Variants in ARHGAP25 observed in about 807,000 individuals in gnomAD.
ARHGAP25 encodes rho GTPase-activating protein 25.
ARHGAP25 carries 34 observed loss-of-function variants against 71.0 expected under a neutral mutation model. The ratio of observed to expected loss-of-function variants is 0.48; its 90% CI spans 0.36 to 0.64. ARHGAP25 has a LOEUF of 0.64. Among genes scored for constraint, ARHGAP25 ranks in the 30% least tolerant of loss-of-function variants. ARHGAP25 has a pLI of 0.00. For synonymous variants in ARHGAP25, 282 were observed against 296.5 expected (o/e 0.95, Z 0.50); for missense variants, 706 against 805.1 (o/e 0.88, Z 1.49).
intron 9 of ARHGAP25, 136 bp downstream of exon 9, chr2:68,819,455 T>G (rs1471116412): frequency 1.2e-6 from 1 of 854,956 alleles, no homozygotes; most frequent in African/African-American, 1.7e-5. Flanking sequence ...TGCTACAGAC[T>G]CATCTGAACA....
At chr2:68,825,706 C>T (rs979224012) in intron 10 of ARHGAP25, among the ~76,000 whole-genome samples, 24 of 151,904 alleles carry the variant, frequency 1.6e-4, no homozygotes, top group Non-Finnish European at 2.5e-4. Flanking sequence ...ACCTGGGAGG[C>T]GGAGCTTGCA....
chr2:68,739,382 T>A (rs55952990), intron 1 of ARHGAP25, among the ~76,000 whole-genome samples: 4,012 of 152,270 alleles, frequency 0.026, 183 homozygotes, highest in African/African-American at 0.092. Context: ...TCCCTGTCTC[T>A]CACCTCACAG....
intron 4 of ARHGAP25, among the ~76,000 whole-genome samples, chr2:68,806,428 C>G (rs1680367140): frequency 6.6e-6 from 1 of 152,062 alleles, no homozygotes. Flanking sequence ...CCTCTTTATC[C>G]TTGGGGGGAT....
chr2:68,719,156 T>C (rs547396189), intron 2 of ARHGAP25, among the ~76,000 whole-genome samples: 58 of 152,068 alleles, frequency 3.8e-4, no homozygotes, highest in African/African-American at 1.4e-3. Flanking sequence ...TAAAAGAAAA[T>C]GGCAAACACA....
chr2:68,794,594 A>G (rs1425242120), intron 4 of ARHGAP25, among the ~76,000 whole-genome samples: 1 of 152,176 alleles, frequency 6.6e-6, no homozygotes, highest in Non-Finnish European at 1.5e-5. Flanking sequence ...ATATTGAATC[A>G]TCCTTACATT....
intron 4 of ARHGAP25, among the ~76,000 whole-genome samples, chr2:68,802,407 CAAAAAAA>C (rs10688959): frequency 1.2e-5 from 1 of 82,152 alleles, no homozygotes; most frequent in Admixed American, 1.6e-4. Context: ...GACTCCATCT[CAAAAAAA>C]AAAAAAAAAA....
At chr2:68,732,740 C>A (rs948523261), upstream of ARHGAP25, among the ~76,000 whole-genome samples, 2 of 152,196 alleles carry the variant, frequency 1.3e-5, no homozygotes, top group Admixed American at 1.3e-4. Context: ...GGCCATGTGA[C>A]CTGTGTTGGC....
intron 1 of ARHGAP25, among the ~76,000 whole-genome samples, chr2:68,758,938 T>A (rs1676646400): frequency 6.6e-6 from 1 of 151,834 alleles, no homozygotes; most frequent in Non-Finnish European, 1.5e-5. Flanking sequence ...AATTAGAAAT[T>A]AATAAAAGAA....
At chr2:68,728,294 T>A (rs1302863814) in intron 2 of ARHGAP25, among the ~76,000 whole-genome samples, 1 of 152,056 alleles carries the variant, frequency 6.6e-6, no homozygotes, top group Non-Finnish European at 1.5e-5. Context: ...ATCCTAACCA[T>A]CCACTAGAAT....
chr2:68,773,591 A>G (rs1015798031), intron 1 of ARHGAP25, among the ~76,000 whole-genome samples: 1 of 152,176 alleles, frequency 6.6e-6, no homozygotes, highest in Admixed American at 6.5e-5. Flanking sequence ...TAGAAACCCA[A>G]TCCCCACCAT....
At chr2:68,768,951 G>C (rs1368265145) in intron 1 of ARHGAP25, among the ~76,000 whole-genome samples, 1 of 152,114 alleles carries the variant, frequency 6.6e-6, no homozygotes, top group Non-Finnish European at 1.5e-5. Context: ...AATTGTTCTG[G>C]TGCATGTCAA....
intron 2 of ARHGAP25, among the ~76,000 whole-genome samples, chr2:68,711,524 A>T (rs574467455): frequency 6.6e-6 from 1 of 152,038 alleles, no homozygotes; most frequent in South Asian, 2.1e-4. Context: ...CTTTTTAAAA[A>T]ATTTTTTTAA....
In ARHGAP25 at chr2:68,715,403, C is replaced by CCAA. The variant is rs201753680; in HGVS notation, c.-18+4715_-18+4717dup. Among the ~76,000 whole-genome samples, 809 of 151,720 alleles carry CCAA rather than the reference C, an allele frequency of 5.3e-3. 6 individuals are homozygous for CCAA. Among genetic ancestry groups the CCAA allele is most frequent in the African/African-American group, 0.016 (680 of 41,500 alleles). On this transcript the variant is annotated intron_variant and NMD_transcript_variant, in intron 2 of 7. Transcript: ENST00000463483. ...CCAATCAAACAACCAAACACCACCA[C>CCAA]CAACAACAACAAAGAGACAAAACTC... is the stretch of plus-strand genomic sequence containing the variant.
At chr2:68,769,666 A>G (rs1295280118) in intron 1 of ARHGAP25, among the ~76,000 whole-genome samples, 1 of 152,192 alleles carries the variant, frequency 6.6e-6, no homozygotes, top group Non-Finnish European at 1.5e-5. Context: ...AGGTGTCTCC[A>G]CTGACAAGGG....
Position 68,826,500 on chromosome 2 carries a change from T to G in ARHGAP25, c.*306T>G. The G allele has an allele frequency of 2.2e-6, 1 of 458,176 alleles. No homozygotes were observed. Among genetic ancestry groups the G allele is most frequent in the Non-Finnish European group, 4.1e-6 (1 of 246,386 alleles). 28.4% of individuals were successfully genotyped at this position (458,176 alleles called of 1,614,324 possible). A position where few individuals can be genotyped will look rare whatever the true frequency, so the allele number is the denominator to read the frequency against. On this transcript the variant is annotated 3_prime_UTR_variant, in exon 11 of 11. Coordinates refer to ENST00000409202, the MANE Select transcript of ARHGAP25 (RefSeq NM_001007231.3). ...GCAGCACATCTCAGGACCCAGGCAA[T>G]AGACTGGCCCCAACTCAGGCTGGAC...
At chr2:68,739,041 C>A (rs1032194979) in intron 1 of ARHGAP25, among the ~76,000 whole-genome samples, 4 of 152,236 alleles carry the variant, frequency 2.6e-5, no homozygotes, top group Admixed American at 6.5e-5. Flanking sequence ...GTTGCCCAGG[C>A]CAACAGCCTT....
chr2:68,795,014 T>C (rs1371599699), intron 4 of ARHGAP25, among the ~76,000 whole-genome samples: 1 of 152,182 alleles, frequency 6.6e-6, no homozygotes, highest in East Asian at 1.9e-4. Flanking sequence ...GGTATATGTT[T>C]CTAGGAATTT....
At chr2:68,792,417 C>T (rs10211539) in intron 4 of ARHGAP25, among the ~76,000 whole-genome samples, 67,126 of 151,944 alleles carry the variant, frequency 0.44, 15,106 homozygotes, top group African/African-American at 0.47. Context: ...TCCATCCCCT[C>T]ATCCTTCTGA....
At chr2:68,727,277 C>T (rs1674908286) in intron 2 of ARHGAP25, among the ~76,000 whole-genome samples, 1 of 152,206 alleles carries the variant, frequency 6.6e-6, no homozygotes, top group African/African-American at 2.4e-5. Context: ...TGTTTCCTCC[C>T]AATCTGCTTG....
Sources: gnomAD v4.1 joint callset for allele counts (sites outside exome capture counted in the v4.1 genomes callset) on GRCh38, gnomAD v4.1.1 for gene constraint, MANE v1.5 for transcripts, NCBI Gene and HGNC (gene_info 2026-07-23, HGNC 2026-07-21) for gene names.